The following INSR variants were observed in gnomAD, a reference collection of about 807,000 sequenced individuals.
INSR encodes insulin receptor, also known as IR.
In INSR, 67 loss-of-function variants were observed where a neutral mutation model predicts 142.6. The observed-to-expected ratio is 0.47, with a 90% CI of 0.39 to 0.58. INSR has a LOEUF of 0.58. Among genes scored for constraint, INSR ranks in the 20% least tolerant of loss-of-function variants. INSR has a pLI of 0.00. For missense variants in INSR, 1,248 were observed against 1,833.2 expected, an observed-to-expected ratio of 0.68 and a Z score of 5.83; for synonymous variants, 756 against 743.1, an observed-to-expected ratio of 1.02 and a Z score of -0.28.
intron 2 of INSR, among the ~76,000 whole-genome samples, chr19:7,232,463 G>A (rs887168738): frequency 6.6e-6 from 1 of 152,160 alleles, no homozygotes; most frequent in African/African-American, 2.4e-5. Flanking sequence ...CAAAGTGTTG[G>A]GATGACAGGC....
At chr19:7,141,944 A>G in intron 12 of INSR, 128 bp from the exon 13 acceptor site, 2 of 753,150 alleles carry the variant, frequency 2.7e-6, no homozygotes, top group South Asian at 1.5e-5. Context: ...TCGTCAGAGA[A>G]CGGACATCTA....
intron 2 of INSR, among the ~76,000 whole-genome samples, chr19:7,211,805 G>C (rs3745546): frequency 0.81 from 122,763 of 152,118 alleles, 50,149 homozygotes; most frequent in African/African-American, 0.94. Context: ...AGGCAAGAGG[G>C]AACGAAAACA....
At chr19:7,292,564 T>C (rs942945148) in intron 1 of INSR, among the ~76,000 whole-genome samples, 1 of 151,976 alleles carries the variant, frequency 6.6e-6, no homozygotes, top group Admixed American at 6.6e-5. Context: ...TGATTTTACA[T>C]GCACCCGTTT....
chr19:7,213,518 T>G (rs1413659036), intron 2 of INSR, among the ~76,000 whole-genome samples: 1 of 152,140 alleles, frequency 6.6e-6, no homozygotes, highest in African/African-American at 2.4e-5. Flanking sequence ...CCAAACAGCA[T>G]CTCAGAGGGA....
At chr19:7,175,922 G>A (rs1240542158) in intron 3 of INSR, among the ~76,000 whole-genome samples, 1 of 152,016 alleles carries the variant, frequency 6.6e-6, no homozygotes, top group Non-Finnish European at 1.5e-5. Flanking sequence ...ACTGCCTTAA[G>A]TGAGAGAATT....
intron 2 of INSR, among the ~76,000 whole-genome samples, chr19:7,227,796 C>T (rs1050185216): frequency 6.7e-6 from 1 of 149,370 alleles, no homozygotes; most frequent in African/African-American, 2.5e-5. Context: ...AGTCGCGGTA[C>T]AGATTGTTTT....
intron 2 of INSR, among the ~76,000 whole-genome samples, chr19:7,212,463 T>C (rs1037344263): frequency 2.6e-5 from 4 of 152,230 alleles, no homozygotes; most frequent in Admixed American, 6.5e-5. Context: ...CAAGATTTGC[T>C]GAGGGTCTGC....
intron 9 of INSR, among the ~76,000 whole-genome samples, chr19:7,156,371 A>AT (rs1254180286): frequency 6.6e-6 from 1 of 151,926 alleles, no homozygotes; most frequent in Non-Finnish European, 1.5e-5. Flanking sequence ...TCCACATGGA[A>AT]TTCTAAGGGG....
At chr19:7,287,403 C>T (rs1451611848) in intron 1 of INSR, among the ~76,000 whole-genome samples, 2 of 151,906 alleles carry the variant, frequency 1.3e-5, no homozygotes, top group Non-Finnish European at 2.9e-5. Context: ...TCAAGTGATC[C>T]ACCCACCTCG....
intron 2 of INSR, among the ~76,000 whole-genome samples, chr19:7,209,141 CAG>C (rs1264901021): frequency 6.6e-6 from 1 of 152,166 alleles, no homozygotes; most frequent in African/African-American, 2.4e-5. Flanking sequence ...GCCTGGGCGA[CAG>C]AGCAAGATTC....
intron 1 of INSR, among the ~76,000 whole-genome samples, chr19:7,288,364 A>C (rs1968399630): frequency 6.6e-6 from 1 of 151,962 alleles, no homozygotes; most frequent in South Asian, 2.1e-4. Context: ...TTAGCTAGTC[A>C]TGGTGGTGCC....
chr19:7,154,504 G>A (rs544164844), intron 9 of INSR, among the ~76,000 whole-genome samples: 1,633 of 150,180 alleles, frequency 0.011, 72 homozygotes, highest in Admixed American at 0.077. Context: ...GGGTTTCATT[G>A]TGTTAGCCAG....
intron 2 of INSR, among the ~76,000 whole-genome samples, chr19:7,256,283 C>CA (rs944494363): frequency 8.6e-5 from 13 of 151,476 alleles, no homozygotes; most frequent in East Asian, 5.8e-4. Context: ...ACTAAAAATA[C>CA]AAAAAAAACA....
chr19:7,285,024 AG>A (rs1968309469), intron 1 of INSR, among the ~76,000 whole-genome samples: 1 of 152,108 alleles, frequency 6.6e-6, no homozygotes, highest in Admixed American at 6.6e-5. Flanking sequence ...TCAAAAATAC[AG>A]GGTCTGGGGC....
At chr19:7,256,797 T>A in intron 2 of INSR, among the ~76,000 whole-genome samples, 1 of 151,880 alleles carries the variant, frequency 6.6e-6, no homozygotes, top group Non-Finnish European at 1.5e-5. Context: ...ACTGTGGAAT[T>A]TTTTTCAGTA....
Position 7,122,929 on chromosome 19 carries a change from C to T in INSR, c.3319G>A (p.Ala1107Thr), listed in dbSNP as rs755417938. The T allele has an allele frequency of 6.2e-7, 1 of 1,608,468 alleles. No individual in the cohort carries two copies. Among genetic ancestry groups the T allele is most frequent in the African/African-American group, 1.3e-5 (1 of 74,852 alleles). ...QPTLVVMELMAHGDLKSYLRS... is the reference protein window; with the variant it reads ...QPTLVVMELMTHGDLKSYLRS... The stretch of plus-strand genomic sequence containing the variant: ...AGGTAGCTCTTCAGGTCTCCGTGAG[C>T]CATCAGCTCCATCACCACCAGCGTG... Residue 1107 changes from alanine (A) to threonine (T), a missense_variant, in exon 18 of 22, where the codon GCT becomes ACT. By Grantham distance (58) the Ala-to-Thr change is moderately conservative (BLOSUM62 0). Around this residue, in one of 3 missense-constraint regions of INSR, gnomAD observed 1,069 missense variants for 1,654.0 expected, o/e 0.65. Coordinates refer to ENST00000302850, the MANE Select transcript of INSR (RefSeq NM_000208.4).
At chr19:7,199,667 G>A (rs1974898691) in intron 2 of INSR, among the ~76,000 whole-genome samples, 1 of 146,394 alleles carries the variant, frequency 6.8e-6, no homozygotes, top group Non-Finnish European at 1.5e-5. Context: ...CCAAAGCGCT[G>A]CCATCACAGG....
chr19:7,122,484 CAA>C (rs141692149), intron 19 of INSR, 128 bp downstream of exon 19: 34 of 838,454 alleles, frequency 4.1e-5, no homozygotes, highest in East Asian at 3.5e-4. Flanking sequence ...AAAAACCCCA[CAA>C]AAAAAAAAGA....
At chr19:7,247,954 G>C (rs900414081) in intron 2 of INSR, among the ~76,000 whole-genome samples, 2 of 152,038 alleles carry the variant, frequency 1.3e-5, no homozygotes, top group Non-Finnish European at 2.9e-5. Flanking sequence ...AGCTACCTTA[G>C]TGGACAGCGT....
Sources: gnomAD v4.1 joint callset for allele counts (sites outside exome capture counted in the v4.1 genomes callset) on GRCh38, gnomAD v4.1.1 for gene constraint, gnomAD v4.1.1 regional missense constraint, MANE v1.5 for transcripts, NCBI Gene and HGNC (gene_info 2026-07-23, HGNC 2026-07-21) for gene names.